Variants in UNC5D observed in about 807,000 individuals in gnomAD.
The protein encoded by UNC5D is netrin receptor UNC5D.
UNC5D carries 39 observed loss-of-function variants against 105.4 expected under a neutral mutation model. That is an observed-to-expected ratio of 0.37 (90% confidence interval 0.29 to 0.48). The LOEUF (loss-of-function observed/expected upper bound fraction) is 0.48, where lower values mean the gene tolerates loss of function less well. Among genes scored for constraint, UNC5D ranks in the 20% least tolerant of loss-of-function variants. The pLI is 0.98. For synonymous variants in UNC5D, 452 were observed against 450.4 expected, an observed-to-expected ratio of 1.00 and a Z score of -0.04; for missense variants, 991 against 1,202.4, an observed-to-expected ratio of 0.82 and a Z score of 2.60.
chr8:35,463,086 T>C (rs1315384960), intron 1 of UNC5D, among the ~76,000 whole-genome samples: 1 of 152,200 alleles, frequency 6.6e-6, no homozygotes, highest in Admixed American at 6.5e-5. Flanking sequence ...GGCAGGACTA[T>C]AACGTGCATA....
At chr8:35,518,964 G>A (rs766999695) in intron 1 of UNC5D, among the ~76,000 whole-genome samples, 10 of 152,192 alleles carry the variant, frequency 6.6e-5, no homozygotes, top group African/African-American at 9.6e-5. Flanking sequence ...AACAACATTT[G>A]ACCTAAAATC....
intron 1 of UNC5D, among the ~76,000 whole-genome samples, chr8:35,379,611 A>G (rs889745668): frequency 7.2e-5 from 11 of 151,922 alleles, no homozygotes; most frequent in African/African-American, 2.7e-4. Context: ...CCACCGGTGC[A>G]TCTCTGTGTT....
At chr8:35,394,425 T>G (rs1027142368) in intron 1 of UNC5D, among the ~76,000 whole-genome samples, 1 of 152,190 alleles carries the variant, frequency 6.6e-6, no homozygotes, top group Non-Finnish European at 1.5e-5. Flanking sequence ...GTATTTCATT[T>G]TAAATAATAT....
At chr8:35,773,895 T>C (rs1328366495) in intron 15 of UNC5D, among the ~76,000 whole-genome samples, 1 of 152,064 alleles carries the variant, frequency 6.6e-6, no homozygotes. Context: ...GCTAATTCTT[T>C]ATATTTTTAG....
chr8:35,544,781 T>G (rs1815530890), intron 1 of UNC5D, among the ~76,000 whole-genome samples: 2 of 151,960 alleles, frequency 1.3e-5, no homozygotes, highest in South Asian at 2.1e-4. Context: ...TTTTGTATTT[T>G]TAGTAGAGAC....
At chr8:35,730,078 G>A (rs906328972) in intron 10 of UNC5D, among the ~76,000 whole-genome samples, 2 of 152,222 alleles carry the variant, frequency 1.3e-5, no homozygotes, top group African/African-American at 4.8e-5. Flanking sequence ...AAGAAGTTGA[G>A]AGCTGCCTTA....
chr8:35,756,778 C>T (rs1371474330), intron 13 of UNC5D, among the ~76,000 whole-genome samples: 2 of 152,202 alleles, frequency 1.3e-5, no homozygotes, highest in Admixed American at 6.5e-5. Flanking sequence ...TTCAATACAA[C>T]GATTGTGTGT....
At chr8:35,569,161 A>G (rs1157678301) in intron 3 of UNC5D, among the ~76,000 whole-genome samples, 1 of 152,044 alleles carries the variant, frequency 6.6e-6, no homozygotes, top group African/African-American at 2.4e-5. Flanking sequence ...GTGTTTTTAT[A>G]ATTTTAAAAA....
At chr8:35,558,126 C>CAAAAAA (rs34368244) in intron 2 of UNC5D, among the ~76,000 whole-genome samples, 3 of 84,190 alleles carry the variant, frequency 3.6e-5, no homozygotes, top group Non-Finnish European at 5.1e-5. Context: ...AACTTCGTCT[C>CAAAAAA]AAAAAAAAAA....
intron 1 of UNC5D, among the ~76,000 whole-genome samples, chr8:35,490,749 C>T (rs1049526139): frequency 4.1e-4 from 63 of 152,194 alleles, no homozygotes; most frequent in Non-Finnish European, 4.9e-4. Context: ...TTTTACAAGC[C>T]TCTGGAAGAG....
intron 14 of UNC5D, among the ~76,000 whole-genome samples, chr8:35,763,091 G>A (rs1452048649): frequency 6.6e-6 from 1 of 152,152 alleles, no homozygotes; most frequent in Non-Finnish European, 1.5e-5. Flanking sequence ...AAGTGAAGAT[G>A]ATTGCCCTGA....
In UNC5D at chr8:35,792,824, CT is replaced by C. The variant is rs561776678; in HGVS notation, c.*2270del. The C allele has an allele frequency of 1.4e-3, 465 of 330,102 alleles. No individual in the cohort carries two copies. Among genetic ancestry groups the C allele is most frequent in the Middle Eastern group, 4.2e-3 (4 of 946 alleles). 20.4% of individuals were successfully genotyped at this position (330,102 alleles called of 1,614,324 possible). ...ATCTACTCTGTGAATCTACATAGGT[CT>C]TTTTTTTTAGATGTTTGATACATTT... On this transcript the variant is annotated 3_prime_UTR_variant, in exon 17 of 17. Transcript: ENST00000404895.
chr8:35,363,828 GTGA>G (rs567981170), intron 1 of UNC5D, among the ~76,000 whole-genome samples: 77 of 152,204 alleles, frequency 5.1e-4, no homozygotes, highest in African/African-American at 1.8e-3. Context: ...TTAGCATCTA[GTGA>G]TGATTCTTTC....
intron 1 of UNC5D, among the ~76,000 whole-genome samples, chr8:35,466,844 A>G (rs1451009422): frequency 6.6e-6 from 1 of 152,216 alleles, no homozygotes; most frequent in Non-Finnish European, 1.5e-5. Flanking sequence ...CATGCTCCCA[A>G]GTGCAGTATA....
At chr8:35,723,204 A>G (rs570895547) in intron 9 of UNC5D, among the ~76,000 whole-genome samples, 1 of 152,158 alleles carries the variant, frequency 6.6e-6, no homozygotes, top group South Asian at 2.1e-4. Flanking sequence ...GCGCGGAACC[A>G]GAAGTCTCAG....
chr8:35,457,874 C>G (rs1441065936), intron 1 of UNC5D, among the ~76,000 whole-genome samples: 1 of 152,106 alleles, frequency 6.6e-6, no homozygotes, highest in East Asian at 1.9e-4. Flanking sequence ...AATAAAAGAG[C>G]TTATTAAAAT....
chr8:35,441,479 A>G lies in UNC5D; in HGVS notation c.104-107813A>G, dbSNP rs141200425. On this transcript the variant is annotated intron_variant, in intron 1 of 16. Coordinates refer to ENST00000404895, the MANE Select transcript of UNC5D (RefSeq NM_080872.4). The stretch of plus-strand genomic sequence containing the variant: ...TTCAGGCATTCACGGAGGGCCTTGG[A>G]ATGTACCCCCTGTAGATAAGGGTGA... Among the ~76,000 whole-genome samples, 2 of 151,904 alleles carry G rather than the reference A, an allele frequency of 1.3e-5. 1 individual carries two copies. Among genetic ancestry groups the G allele is most frequent in the Non-Finnish European group, 2.9e-5 (2 of 67,878 alleles).
At chr8:35,646,088 A>G (rs757460361) in intron 4 of UNC5D, among the ~76,000 whole-genome samples, 2 of 152,256 alleles carry the variant, frequency 1.3e-5, no homozygotes, top group East Asian at 1.9e-4. Flanking sequence ...CAATTAAGCA[A>G]TGTTTTTATA....
chr8:35,637,256 C>G (rs1373843220), intron 4 of UNC5D, among the ~76,000 whole-genome samples: 1 of 152,142 alleles, frequency 6.6e-6, no homozygotes, highest in Non-Finnish European at 1.5e-5. Context: ...AAAGTAATCA[C>G]ACTTTTCCTT....
Sources: gnomAD v4.1 joint callset for allele counts (sites outside exome capture counted in the v4.1 genomes callset) on GRCh38, gnomAD v4.1.1 for gene constraint, MANE v1.5 for transcripts, NCBI Gene and HGNC (gene_info 2026-07-23, HGNC 2026-07-21) for gene names.